Variants in OR51B5 observed in about 807,000 individuals in gnomAD.
OR51B5 encodes the protein olfactory receptor 51B5.
For synonymous variants in OR51B5, 186 were observed against 144.8 expected (o/e 1.28, Z -2.04); for missense variants, 456 against 374.6 (o/e 1.22, Z -1.79).
chr11:5,375,652 G>T (rs1324507456), intron 1 of OR51B5, among the ~76,000 whole-genome samples: 7 of 152,010 alleles, frequency 4.6e-5, no homozygotes, highest in African/African-American at 9.7e-5. Flanking sequence ...AAAGGCAGGG[G>T]TTGCAATCCT....
Position 5,343,436 on chromosome 11 carries a change from A to T in OR51B5, c.89T>A (p.Leu30Ter). 6.2e-7 allele frequency: 1 copy of T among 1,611,566 alleles called. No individual in the cohort carries two copies. Among genetic ancestry groups the T allele is most frequent in the Non-Finnish European group, 8.5e-7 (1 of 1,178,218 alleles). ...AAAAAGGATGGATATATACATGAAC[A>T]AGAAAAATACGGAAATCCAGTGATG... The change falls in exon 1 of 1, where the codon TTG (leucine) becomes TAG (stop). Residue 30 changes from leucine to a stop codon, truncating the protein, a stop_gained. Transcript: ENST00000300773. LOFTEE classifies it low-confidence loss of function (END_TRUNC).
At chr11:5,466,442 C>T (rs1395418552) in intron 1 of OR51B5, among the ~76,000 whole-genome samples, 4 of 151,960 alleles carry the variant, frequency 2.6e-5, no homozygotes, top group African/African-American at 9.7e-5. Context: ...TTTTTAAAAG[C>T]CTAAAAAATA....
At chr11:5,495,123 G>A (rs1328797433) in intron 1 of OR51B5, among the ~76,000 whole-genome samples, 1 of 152,148 alleles carries the variant, frequency 6.6e-6, no homozygotes, top group East Asian at 1.9e-4. Context: ...CCAGATGAGA[G>A]GTTCTAGCAC....
intron 1 of OR51B5, among the ~76,000 whole-genome samples, chr11:5,385,905 T>G (rs1253053593): frequency 6.7e-6 from 1 of 149,134 alleles, no homozygotes; most frequent in Non-Finnish European, 1.5e-5. Context: ...TTATTTAAAC[T>G]TATACATATG....
chr11:5,381,138 T>C lies in OR51B5; in HGVS notation n.85-34228A>G, dbSNP rs1364055927. On this transcript the variant is annotated intron_variant and non_coding_transcript_variant, in intron 1 of 4. Transcript: ENST00000415970. The stretch of plus-strand genomic sequence containing the variant: ...ACCATACCCCCACCCCACCTCTCTC[T>C]CTCTGTCGCTCGCTCGCTGTTTCTC... 2.5e-5 allele frequency among the ~76,000 whole-genome samples: 3 copies of C among 121,994 alleles called. No individual in the cohort carries two copies. In the Admixed American group the frequency reaches 2.8e-4, roughly 11 times the overall value. The allele number at this position is 121,994 out of a possible 152,430, so 80.0% of individuals were successfully genotyped here. A position where few individuals can be genotyped will look rare whatever the true frequency, so the allele number is the denominator to read the frequency against.
intron 1 of OR51B5, among the ~76,000 whole-genome samples, chr11:5,365,010 T>G (rs930649042): frequency 6.6e-6 from 1 of 151,842 alleles, no homozygotes; most frequent in Non-Finnish European, 1.5e-5. Context: ...AGTAACTGCT[T>G]CTTCTTGTCA....
At chr11:5,369,313 A>G (rs1335244596) in intron 1 of OR51B5, among the ~76,000 whole-genome samples, 6 of 152,312 alleles carry the variant, frequency 3.9e-5, no homozygotes, top group Admixed American at 3.9e-4. Context: ...CTTAACAAAT[A>G]TTAATTAAAG....
intron 1 of OR51B5, chr11:5,355,335 T>C (rs556925860): frequency 1.3e-5 from 2 of 159,920 alleles, no homozygotes; most frequent in Non-Finnish European, 2.7e-5. Flanking sequence ...CTAAGTTTCA[T>C]AAGGAAACTG....
chr11:5,412,932 A>G (rs10768939), intron 1 of OR51B5, among the ~76,000 whole-genome samples: 128,600 of 151,690 alleles, frequency 0.85, 54,861 homozygotes, highest in Admixed American at 0.89. Context: ...CAGCCTTGAA[A>G]AGAGCAGTGG....
intron 1 of OR51B5, chr11:5,454,503 A>C (rs1292718278): frequency 8.4e-7 from 1 of 1,185,036 alleles, no homozygotes; most frequent in Non-Finnish European, 1.2e-6. Flanking sequence ...TCATCATCAA[A>C]GTATAAGATA....
At chr11:5,501,883 A>G (rs1590033004) in intron 1 of OR51B5, among the ~76,000 whole-genome samples, 1 of 148,922 alleles carries the variant, frequency 6.7e-6, no homozygotes, top group South Asian at 2.1e-4. Flanking sequence ...GGTCATTTAC[A>G]TTAGGTATTT....
intron 1 of OR51B5, among the ~76,000 whole-genome samples, chr11:5,350,405 G>T (rs188408551): frequency 6.6e-6 from 1 of 152,234 alleles, no homozygotes. Context: ...TCTTTCAATA[G>T]TATATGAGAT....
chr11:5,419,824 G>T (rs1000979472), intron 1 of OR51B5, among the ~76,000 whole-genome samples: 1 of 151,804 alleles, frequency 6.6e-6, no homozygotes, highest in Admixed American at 6.6e-5. Context: ...TTTTCCAAGG[G>T]TCATTATTAG....
intron 1 of OR51B5, among the ~76,000 whole-genome samples, chr11:5,471,438 C>A (rs977925485): frequency 6.6e-6 from 1 of 151,966 alleles, no homozygotes; most frequent in African/African-American, 2.4e-5. Flanking sequence ...GAGTTTGAGA[C>A]CAGCCTGGAC....
intron 1 of OR51B5, among the ~76,000 whole-genome samples, chr11:5,460,108 G>T (rs1851025712): frequency 6.6e-6 from 1 of 152,050 alleles, no homozygotes; most frequent in Admixed American, 6.6e-5. Flanking sequence ...AACATGAATG[G>T]AGCTAAAGGC....
intron 1 of OR51B5, among the ~76,000 whole-genome samples, chr11:5,380,233 T>C (rs1849589309): frequency 6.6e-6 from 1 of 152,188 alleles, no homozygotes; most frequent in Non-Finnish European, 1.5e-5. Flanking sequence ...ATGTGGAGAC[T>C]TCTCTGTAAA....
chr11:5,352,460 G>C lies in OR51B5; in HGVS notation n.85-5550C>G, dbSNP rs1388345593. 7 of 1,506,816 alleles carry C rather than the reference G, an allele frequency of 4.6e-6. No individual in the cohort carries two copies. The South Asian group carries it at 8.3e-5, about 18-fold the overall frequency. 93.3% of individuals were successfully genotyped at this position (1,506,816 alleles called of 1,614,324 possible). ...TCTAGAGCATGACATTGTTTCACTG[G>C]TCTCTGAGGAATAATTCAGGGGACC... On this transcript the variant is annotated intron_variant and non_coding_transcript_variant, in intron 1 of 4. Transcript: ENST00000415970.
chr11:5,405,167 A>T (rs1850040336), intron 1 of OR51B5, among the ~76,000 whole-genome samples: 1 of 152,234 alleles, frequency 6.6e-6, no homozygotes. Flanking sequence ...GATTTTTAAC[A>T]TAAAATATAT....
chr11:5,345,459 G>A (rs1398199015), upstream of OR51B5, among the ~76,000 whole-genome samples: 1 of 152,088 alleles, frequency 6.6e-6, no homozygotes, highest in East Asian at 1.9e-4. Flanking sequence ...GGGAGTGAGG[G>A]AAAAATCAAA....
Sources: allele counts gnomAD v4.1 joint callset (sites outside exome capture counted in the v4.1 genomes callset), GRCh38; gene constraint gnomAD v4.1.1; transcripts MANE v1.5; gene names NCBI Gene and HGNC (gene_info 2026-07-23, HGNC 2026-07-21).